PRELP: variants seen among roughly 807,000 people sequenced by gnomAD.
The protein encoded by PRELP is prolargin.
Under a neutral mutation model 22.8 loss-of-function variants are expected in PRELP, and 16 were observed. That is an observed-to-expected ratio of 0.70 (90% CI 0.47 to 1.06). The LOEUF is 1.06. Ranked by LOEUF, PRELP falls within the 50% of genes least tolerant of loss-of-function variation. The pLI, the probability that PRELP is intolerant of heterozygous loss-of-function variation, is 0.00. For missense variants in PRELP, 434 were observed against 485.2 expected, an observed-to-expected ratio of 0.89 and a Z score of 0.99; for synonymous variants, 233 against 211.4, an observed-to-expected ratio of 1.10 and a Z score of -0.89.
rs1315450030 is a variant in PRELP, at chr1:203,490,302, C to T, written c.*3421C>T. ...TCTTGAAGAATTTCTCGCAAACTCA[C>T]AACCCTCATGAAAAATTAATCCTCA... On this transcript the variant is annotated 3_prime_UTR_variant, in exon 3 of 3. Coordinates refer to ENST00000343110, the MANE Select transcript of PRELP (RefSeq NM_002725.4). 1 of 152,158 alleles carries T rather than the reference C, an allele frequency of 6.6e-6. No individual in the cohort carries two copies. Among genetic ancestry groups the T allele is most frequent in the East Asian group, 1.9e-4 (1 of 5,194 alleles). The allele number at this position is 152,158 out of a possible 1,614,324, so 9.4% of individuals were successfully genotyped here. A position where few individuals can be genotyped will look rare whatever the true frequency, so the allele number is the denominator to read the frequency against.
rs189090745 is a variant in PRELP at position 203,491,281 on chromosome 1, C to T, written c.*4400C>T. 6.6e-6 allele frequency: 1 copy of T among 152,312 alleles called. No individual in the cohort carries two copies. The highest frequency in any genetic ancestry group is 2.4e-5 in the African/African-American group (1 of 41,554). 9.4% of individuals were successfully genotyped at this position (152,312 alleles called of 1,614,324 possible). ...TATAAAATGGCCCCATCCCTATCTC[C>T]CTTCGCTGACTCTTTTCGGACTCAG... On this transcript the variant is annotated 3_prime_UTR_variant, in exon 3 of 3. Coordinates refer to ENST00000343110, the MANE Select transcript of PRELP (RefSeq NM_002725.4). This position sits in a 1 kb window ranked among gnomAD's most constrained non-coding sequence, Gnocchi z 4.4.
rs1661049215 is a variant in PRELP at position 203,483,771 on chromosome 1, A to C, written c.587A>C (p.Asn196Thr). 2 of 1,614,174 alleles carry C rather than the reference A, an allele frequency of 1.2e-6. No homozygotes were observed. Among genetic ancestry groups the C allele is most frequent in the Non-Finnish European group, 1.7e-6 (2 of 1,180,026 alleles). Residue 196 changes from asparagine (N) to threonine (T), a missense_variant, in exon 2 of 3, where the codon AAC becomes ACC. Transcript: ENST00000343110. This position sits in a 1 kb window ranked among gnomAD's most constrained non-coding sequence, Gnocchi z 4.4. The part of the protein sequence containing the change: ...IPPGVFSKLE[N>T]LLLLDLQHNR... ...CCTGGTGTCTTCAGCAAGCTGGAGA[A>C]CCTGCTGCTCCTGGATCTCCAGCAC...
chr1:203,488,818 C>G lies in PRELP; in HGVS notation c.*1937C>G, dbSNP rs1008543877. The G allele has an allele frequency of 2.7e-4, 41 of 152,114 alleles. No individual in the cohort carries two copies. Among genetic ancestry groups the G allele is most frequent in the African/African-American group, 9.7e-4 (40 of 41,392 alleles). 9.4% of individuals were successfully genotyped at this position (152,114 alleles called of 1,614,324 possible). A position where few individuals can be genotyped will look rare whatever the true frequency, so the allele number is the denominator to read the frequency against. ...CAAGGGATGCTGCCCCTTCTCAGCC[C>G]CCTGCGTGTGTATATTGGTGGGAGG... is the stretch of plus-strand genomic sequence containing the variant. On this transcript the variant is annotated 3_prime_UTR_variant, in exon 3 of 3. Coordinates refer to ENST00000343110, the MANE Select transcript of PRELP (RefSeq NM_002725.4).
rs1558233102 is a variant in PRELP at position 203,486,694 on chromosome 1, C to G, written c.974-12C>G. 1 of 1,605,252 alleles carries G rather than the reference C, an allele frequency of 6.2e-7. No homozygotes were observed. The highest frequency in any genetic ancestry group is 1.1e-5 in the South Asian group (1 of 90,872). ...CCACTCCCTTCTGATTTCTCGTCTTCTTTTTCCGTAGAAATCAACGGAACC... is the reference window on the plus strand; with the variant it reads ...CCACTCCCTTCTGATTTCTCGTCTTGTTTTTCCGTAGAAATCAACGGAACC... On this transcript the variant is annotated splice_polypyrimidine_tract_variant and intron_variant, in intron 2 of 2. Transcript: ENST00000343110.
intron 1 of PRELP, among the ~76,000 whole-genome samples, chr1:203,481,288 T>C (rs895548508): frequency 2.0e-5 from 3 of 152,176 alleles, no homozygotes; most frequent in Non-Finnish European, 4.4e-5. Flanking sequence ...GAAATGTTTG[T>C]TTTAGAATAC....
rs1389755844 is a variant in PRELP, at chr1:203,486,992, C to T, written c.*111C>T. On this transcript the variant is annotated 3_prime_UTR_variant, in exon 3 of 3. Coordinates refer to ENST00000343110, the MANE Select transcript of PRELP (RefSeq NM_002725.4). ...CCCTTTCTTTCTCCCAGCTTTGCCT[C>T]CCTTATCCCACCCTCGAGGCAGGGA... 4.8e-6 allele frequency: 6 copies of T among 1,240,174 alleles called. No individual in the cohort carries two copies. In the East Asian group the frequency reaches 1.3e-4, roughly 27 times the overall value. The allele number at this position is 1,240,174 out of a possible 1,614,324, so 76.8% of individuals were successfully genotyped here.
chr1:203,483,670 G>A lies in PRELP; in HGVS notation c.486G>A (p.Leu162=). The change falls in exon 2 of 3, where the codon TTG becomes TTA. Residue 162 remains leucine, a synonymous_variant. Coordinates refer to ENST00000343110, the MANE Select transcript of PRELP (RefSeq NM_002725.4). This position sits in a 1 kb window ranked among gnomAD's most constrained non-coding sequence, Gnocchi z 4.4. ...LVFLYMEKNQ[L]EEVPSALPRN... ...TCCTCTACATGGAGAAGAACCAGTT[G>A]GAAGAGGTCCCCTCGGCCCTGCCCC... 1 of 1,614,182 alleles carries A rather than the reference G, an allele frequency of 6.2e-7. No homozygotes were observed. The highest frequency in any genetic ancestry group is 1.1e-5 in the South Asian group (1 of 91,084).
chr1:203,484,219 C>T (rs1425043879), intron 2 of PRELP, 62 bp downstream of exon 2: 2 of 1,570,894 alleles, frequency 1.3e-6, no homozygotes, highest in Admixed American at 1.7e-5. Context: ...AGCACTTCCA[C>T]CCTCTCTAGG....
At chr1:203,485,615 G>A (rs893202650) in intron 2 of PRELP, among the ~76,000 whole-genome samples, 1 of 152,150 alleles carries the variant, frequency 6.6e-6, no homozygotes, top group African/African-American at 2.4e-5. Flanking sequence ...CTCAGCATGA[G>A]GGTGGCTAGG....
rs527418973 is a variant in PRELP, at chr1:203,484,173, C to T, written c.973+16C>T. ...AGCATCGAGAGTGAGTGGGGTGGGC[C>T]GGGGCGGGGCCGAAGGCAAGGAGGT... On this transcript the variant is annotated intron_variant, in intron 2 of 2. Transcript: ENST00000343110. The T allele has an allele frequency of 8.3e-5, 49 of 591,196 alleles. 1 individual carries two copies. The highest frequency in any genetic ancestry group is 2.7e-4 in the Admixed American group (11 of 40,942). 36.6% of individuals were successfully genotyped at this position (591,196 alleles called of 1,614,324 possible). A position where few individuals can be genotyped will look rare whatever the true frequency, so the allele number is the denominator to read the frequency against.
chr1:203,484,374 C>T (rs2794444), intron 2 of PRELP, among the ~76,000 whole-genome samples: 89,901 of 152,192 alleles, frequency 0.59, 27,643 homozygotes, highest in East Asian at 0.78. Context: ...AGAATGGTAA[C>T]AATATCTTCT....
rs745948159 is a variant in PRELP at position 203,483,763 on chromosome 1, G to C, written c.579G>C (p.Lys193Asn). ...ISRIPPGVFSKLENLLLLDLQ... is the reference protein window; with the variant it reads ...ISRIPPGVFSNLENLLLLDLQ... ...GAATCCCGCCTGGTGTCTTCAGCAA[G>C]CTGGAGAACCTGCTGCTCCTGGATC... is the stretch of plus-strand genomic sequence containing the variant. Residue 193 changes from lysine to asparagine, a missense_variant, in exon 2 of 3, where the codon AAG becomes AAC. Physicochemically the swap from Lys to Asn is moderately conservative, Grantham distance 94 (BLOSUM62 0). Transcript: ENST00000343110. The surrounding 1 kb of genome is among the most constrained non-coding windows in gnomAD (Gnocchi z 4.4). 1 of 1,614,194 alleles carries C rather than the reference G, an allele frequency of 6.2e-7. No homozygotes were observed. The highest frequency in any genetic ancestry group is 8.5e-7 in the Non-Finnish European group (1 of 1,180,042).
At chr1:203,476,995 G>T (rs1401817084) in intron 1 of PRELP, among the ~76,000 whole-genome samples, 1 of 151,712 alleles carries the variant, frequency 6.6e-6, no homozygotes, top group Non-Finnish European at 1.5e-5. Context: ...AAAACTGAAG[G>T]GCGGCCCCTC....
Position 203,483,205 on chromosome 1 carries a change from G to C in PRELP, c.21G>C (p.Trp7Cys), listed in dbSNP as rs753821132. MRSPLC[W>C]LLPLLILASV... ...GGATCATGAGGTCACCCCTCTGCTG[G>C]CTCCTCCCACTTCTCATCTTGGCCT... is the stretch of plus-strand genomic sequence containing the variant. The change falls in exon 2 of 3, where the codon TGG (tryptophan) becomes TGC (cysteine). Residue 7 changes from tryptophan (W) to cysteine (C), a missense_variant. Transcript: ENST00000343110. This position sits in a 1 kb window ranked among gnomAD's most constrained non-coding sequence, Gnocchi z 4.4. 3 of 1,554,274 alleles carry C rather than the reference G, an allele frequency of 1.9e-6. No homozygotes were observed. In the East Asian group the frequency reaches 6.8e-5, roughly 35 times the overall value.
At chr1:203,485,748 T>TTCC (rs3835533) in intron 2 of PRELP, among the ~76,000 whole-genome samples, 22,825 of 152,102 alleles carry the variant, frequency 0.15, 1,804 homozygotes, top group East Asian at 0.27. Context: ...ATGCCTACTC[T>TTCC]TCCTCCTCCT....
At position 203,487,168 on chromosome 1, in the gene PRELP, G is replaced by A. The variant is rs1452109280; in HGVS notation, c.*287G>A. ...AAACACAGATGTGTCTAAAGACTTG[G>A]TGTCCCCTTCTCTCTCCTCCCCCAC... On this transcript the variant is annotated 3_prime_UTR_variant, in exon 3 of 3. Transcript: ENST00000343110. 4 of 324,052 alleles carry A rather than the reference G, an allele frequency of 1.2e-5. No individual in the cohort carries two copies. Among genetic ancestry groups the A allele is most frequent in the Middle Eastern group, 1.7e-3 (2 of 1,202 alleles). 20.1% of individuals were successfully genotyped at this position (324,052 alleles called of 1,614,324 possible).
In PRELP at chr1:203,486,890, C is replaced by G; in HGVS notation, c.*9C>G. ...AGTCCGTGGTCATCTAGGCCCTACT[C>G]CGCCACCGGATCTGCTCTGACCGCA... On this transcript the variant is annotated 3_prime_UTR_variant, in exon 3 of 3. Transcript: ENST00000343110. 1.2e-6 allele frequency: 2 copies of G among 1,609,652 alleles called. No individual in the cohort carries two copies. Among genetic ancestry groups the G allele is most frequent in the East Asian group, 4.5e-5 (2 of 44,682 alleles).
Position 203,481,136 on chromosome 1 carries a change from A to G in PRELP, c.-16-2033A>G, listed in dbSNP as rs192610849. On this transcript the variant is annotated intron_variant, in intron 1 of 2. Transcript: ENST00000343110. The stretch of plus-strand genomic sequence containing the variant: ...TGACAAAGGCAATGAAGGGATATAG[A>G]AAAACTCCCGCCAGTGCTGGGAGCC... Among the ~76,000 whole-genome samples the G allele has an allele frequency of 2.1e-4, 32 of 152,298 alleles. No homozygotes were observed. The East Asian group carries it at 5.6e-3, about 27-fold the overall frequency.
Position 203,483,595 on chromosome 1 carries a change from A to T in PRELP, c.411A>T (p.Arg137=), listed in dbSNP as rs983416793. ...GATGGATTAACCTGGACAACAACCG[A>T]ATCCGCAAGATAGACCAGAGGGTGC... ...GLRWINLDNN[R]IRKIDQRVLE... The change falls in exon 2 of 3, where the codon CGA becomes CGT. Residue 137 remains arginine (R), a synonymous_variant. Transcript: ENST00000343110. This position sits in a 1 kb window ranked among gnomAD's most constrained non-coding sequence, Gnocchi z 4.4. The T allele has an allele frequency of 6.2e-7, 1 of 1,614,208 alleles. No individual in the cohort carries two copies. The highest frequency in any genetic ancestry group is 8.5e-7 in the Non-Finnish European group (1 of 1,180,044).
Sources: gnomAD v4.1 joint callset for allele counts (sites outside exome capture counted in the v4.1 genomes callset) on GRCh38, gnomAD v4.1.1 for gene constraint, Gnocchi (gnomAD v3.1) non-coding constraint, MANE v1.5 for transcripts, NCBI Gene and HGNC (gene_info 2026-07-23, HGNC 2026-07-21) for gene names.